PDCD6: variants seen among roughly 807,000 people sequenced by gnomAD.
The protein encoded by PDCD6 is programmed cell death protein 6.
Under a neutral mutation model 28.3 loss-of-function variants are expected in PDCD6, and 12 were observed. The observed-to-expected ratio is 0.42, with a 90% CI of 0.27 to 0.69. The LOEUF (loss-of-function observed/expected upper bound fraction) is 0.69. PDCD6 is among the 30% of genes least tolerant of loss of function. The pLI is 0.22. For missense variants in PDCD6, 226 were observed against 269.9 expected (o/e 0.84, Z 1.14); for synonymous variants, 92 against 108.0 (o/e 0.85, Z 0.92).
At position 304,039 on chromosome 5, in the gene PDCD6, A is replaced by C; in HGVS notation, c.164-138A>C. The stretch of plus-strand genomic sequence containing the variant: ...CCTCCCAGGAGTCATGGCAGCCGAC[A>C]CGTCACCTGGAGTGTCTAGAAAACC... On this transcript the variant is annotated intron_variant, in intron 2 of 5. Transcript: ENST00000264933. 6 of 1,187,704 alleles carry C rather than the reference A, an allele frequency of 5.1e-6. No individual in the cohort carries two copies. The South Asian group carries it at 8.1e-5, about 16-fold the overall frequency. 73.6% of individuals were successfully genotyped at this position (1,187,704 alleles called of 1,614,324 possible). A position where few individuals can be genotyped will look rare whatever the true frequency, so the allele number is the denominator to read the frequency against.
intron 2 of PDCD6, among the ~76,000 whole-genome samples, chr5:283,664 G>T (rs1164476382): frequency 6.6e-6 from 1 of 151,912 alleles, no homozygotes; most frequent in Non-Finnish European, 1.5e-5. Context: ...TGATGTTCTA[G>T]TTTGAGGGTT....
intron 4 of PDCD6, chr5:310,101 T>C: frequency 4.7e-6 from 1 of 211,444 alleles, no homozygotes; most frequent in Non-Finnish European, 9.6e-6. Flanking sequence ...GGCTCTGTTC[T>C]CAGCAGGCTG....
intron 2 of PDCD6, chr5:290,392 A>G: frequency 1.2e-6 from 1 of 807,136 alleles, no homozygotes; most frequent in South Asian, 1.6e-5. Context: ...GCCTCCCCCC[A>G]CCCCCCGACG....
At chr5:272,825 C>G in intron 2 of PDCD6, 53 bp downstream of exon 2, 1 of 1,554,422 alleles carries the variant, frequency 6.4e-7, no homozygotes, top group Non-Finnish European at 8.7e-7. Context: ...GCGAGCCTGC[C>G]CTGTTCACAG....
At chr5:290,666 G>T (rs1252609614) in intron 2 of PDCD6, among the ~76,000 whole-genome samples, 1 of 152,230 alleles carries the variant, frequency 6.6e-6, no homozygotes, top group African/African-American at 2.4e-5. Flanking sequence ...AGGTTTCGGC[G>T]CTGATACTGC....
Position 314,782 on chromosome 5 carries a change from C to A in PDCD6, c.*267C>A, listed in dbSNP as rs1215979999. On this transcript the variant is annotated 3_prime_UTR_variant, in exon 6 of 6. Transcript: ENST00000264933. Reference sequence around the variant, plus strand: ...TGTAATGTTTCAGGCATTCTGCTTGCAAAAAAATCTATCATGTGCTTTTCT... The same window carrying A: ...TGTAATGTTTCAGGCATTCTGCTTGAAAAAAAATCTATCATGTGCTTTTCT... 4 of 526,064 alleles carry A rather than the reference C, an allele frequency of 7.6e-6. No homozygotes were observed. The highest frequency in any genetic ancestry group is 2.0e-5 in the South Asian group (1 of 50,428). 32.6% of individuals were successfully genotyped at this position (526,064 alleles called of 1,614,324 possible). A position where few individuals can be genotyped will look rare whatever the true frequency, so the allele number is the denominator to read the frequency against.
chr5:313,562 G>A (rs1741062470), intron 5 of PDCD6: 1 of 152,234 alleles, frequency 6.6e-6, no homozygotes, highest in African/African-American at 2.4e-5. Context: ...TGAGGCTCAA[G>A]CGATCCTTCT....
chr5:296,552 A>G (rs1362297744), intron 2 of PDCD6, among the ~76,000 whole-genome samples: 1 of 152,252 alleles, frequency 6.6e-6, no homozygotes, highest in African/African-American at 2.4e-5. Context: ...CCCCAGAGAC[A>G]TGAATGGGTC....
intron 5 of PDCD6, chr5:311,650 A>AT (rs890449668): frequency 2.1e-6 from 1 of 479,506 alleles, no homozygotes; most frequent in African/African-American, 2.0e-5. Context: ...CCGGTGGGTT[A>AT]TTTACATGTA....
At chr5:276,669 T>C (rs1738219584) in intron 2 of PDCD6, 1 of 977,630 alleles carries the variant, frequency 1.0e-6, no homozygotes, top group South Asian at 4.7e-5. Flanking sequence ...TATTAGGCTA[T>C]TTCAAGAAAT....
intron 2 of PDCD6, among the ~76,000 whole-genome samples, chr5:300,972 T>C (rs1229062431): frequency 2.0e-5 from 3 of 152,252 alleles, no homozygotes; most frequent in Admixed American, 6.5e-5. Context: ...AGATGGCACC[T>C]GAGCCTCCCT....
At chr5:295,768 C>T (rs1053411378) in intron 2 of PDCD6, among the ~76,000 whole-genome samples, 2 of 147,080 alleles carry the variant, frequency 1.4e-5, no homozygotes, top group African/African-American at 4.9e-5. Flanking sequence ...TGTTCCAGAT[C>T]CCGCTGCTCT....
At chr5:294,490 A>G (rs10037273) in intron 2 of PDCD6, among the ~76,000 whole-genome samples, 31,417 of 149,906 alleles carry the variant, frequency 0.21, 2,809 homozygotes, top group African/African-American at 0.44. Flanking sequence ...GCCAGTCAAC[A>G]GTACCTCTGC....
At chr5:273,020 A>C (rs1481610921) in intron 2 of PDCD6, 2 of 562,470 alleles carry the variant, frequency 3.6e-6, no homozygotes, top group Non-Finnish European at 6.3e-6. Context: ...TTGAGAAATG[A>C]AAACTAGATT....
intron 2 of PDCD6, chr5:290,258 C>A: frequency 6.6e-7 from 1 of 1,506,598 alleles, no homozygotes; most frequent in Non-Finnish European, 9.2e-7. Flanking sequence ...CAGGACAGGA[C>A]AAACTTCCTT....
chr5:285,290 A>T (rs746153697), intron 2 of PDCD6, among the ~76,000 whole-genome samples: 1 of 139,938 alleles, frequency 7.1e-6, no homozygotes, highest in African/African-American at 2.7e-5. Flanking sequence ...CCGGGGGGGA[A>T]CTGATGCTGC....
At chr5:304,412 T>C in intron 3 of PDCD6, 191 bp downstream of exon 3, 4 of 772,156 alleles carry the variant, frequency 5.2e-6, no homozygotes, top group Non-Finnish European at 7.8e-6. Context: ...GTATGTTTGC[T>C]CTATTCTTGA....
At chr5:276,372 G>T (rs1288842599) in intron 2 of PDCD6, 2 of 1,023,598 alleles carry the variant, frequency 2.0e-6, no homozygotes, top group African/African-American at 1.7e-5. Flanking sequence ...TGAGCTGCGT[G>T]AAGGAAGGTT....
intron 2 of PDCD6, among the ~76,000 whole-genome samples, chr5:282,376 G>A (rs1166570654): frequency 6.6e-6 from 1 of 151,802 alleles, no homozygotes; most frequent in Non-Finnish European, 1.5e-5. Context: ...GAGGCCTGGA[G>A]AGGAGCTGAT....
Sources: gnomAD v4.1 joint callset for allele counts (sites outside exome capture counted in the v4.1 genomes callset) on GRCh38, gnomAD v4.1.1 for gene constraint, MANE v1.5 for transcripts, NCBI Gene and HGNC (gene_info 2026-07-23, HGNC 2026-07-21) for gene names.